The following ARMC2 variants were observed in gnomAD, a reference collection of about 807,000 sequenced individuals.
ARMC2 encodes armadillo repeat-containing protein 2.
In ARMC2, 67 loss-of-function variants were observed where a neutral mutation model predicts 90.3. That is an observed-to-expected ratio of 0.74 (90% confidence interval 0.61 to 0.91). ARMC2 has a LOEUF of 0.91. Among genes scored for constraint, ARMC2 ranks in the 40% least tolerant of loss-of-function variants. ARMC2 has a pLI of 0.00. For synonymous variants in ARMC2, 393 were observed against 393.0 expected (o/e 1.00, Z 0.00); for missense variants, 920 against 1,030.9 (o/e 0.89, Z 1.47).
the ARMC2 span, among the ~76,000 whole-genome samples, chr6:109,044,556 A>C: frequency 2.7e-4 from 41 of 152,156 alleles, no homozygotes; most frequent in East Asian, 6.8e-3. Context: ...AGAAGAAAAC[A>C]TAAGAGAATA....
chr6:109,000,558 T>C, the ARMC2 span: 1 of 1,611,848 alleles, frequency 6.2e-7, no homozygotes, highest in Non-Finnish European at 8.5e-7. Context: ...TCCTAAATTC[T>C]GTAGTTTTTG....
intron 6 of ARMC2, among the ~76,000 whole-genome samples, chr6:108,897,237 C>G (rs1342611662): frequency 6.6e-6 from 1 of 152,140 alleles, no homozygotes; most frequent in East Asian, 1.9e-4. Context: ...GCAGAAGACC[C>G]TACAGGGGTG....
intron 8 of ARMC2, 31 bp from the exon 9 acceptor site, chr6:108,910,868 C>T: frequency 1.8e-6 from 2 of 1,096,606 alleles, no homozygotes; most frequent in African/African-American, 1.6e-5. Flanking sequence ...TTATTTCCTT[C>T]TGCAATAGAG....
intron 3 of ARMC2, among the ~76,000 whole-genome samples, chr6:108,858,804 C>T (rs967358076): frequency 1.3e-5 from 2 of 152,110 alleles, no homozygotes; most frequent in Non-Finnish European, 1.5e-5. Flanking sequence ...TAAGCTCTTT[C>T]GACACATCCT....
intron 8 of ARMC2, among the ~76,000 whole-genome samples, chr6:108,906,225 A>C (rs187149141): frequency 6.6e-6 from 1 of 152,284 alleles, no homozygotes; most frequent in East Asian, 1.9e-4. Flanking sequence ...TTAAAGGAGT[A>C]CAAACAAATA....
chr6:108,923,330 C>T (rs1407420524), intron 10 of ARMC2, among the ~76,000 whole-genome samples: 3 of 152,144 alleles, frequency 2.0e-5, no homozygotes, highest in Non-Finnish European at 4.4e-5. Context: ...TGGATGCACA[C>T]CTCCAAGCAT....
At chr6:108,977,527 G>T (rs1426302957), downstream of ARMC2, among the ~76,000 whole-genome samples, 3 of 152,058 alleles carry the variant, frequency 2.0e-5, no homozygotes, top group Non-Finnish European at 2.9e-5. Flanking sequence ...TGAGTTAGAG[G>T]GGATTCCCTC....
the ARMC2 span, among the ~76,000 whole-genome samples, chr6:108,981,942 C>T: frequency 6.6e-6 from 1 of 152,172 alleles, no homozygotes. Context: ...GCTGGGATTA[C>T]AGGTGTGAGC....
chr6:109,003,621 A>G, the ARMC2 span, among the ~76,000 whole-genome samples: 1 of 152,336 alleles, frequency 6.6e-6, no homozygotes, highest in East Asian at 1.9e-4. Flanking sequence ...TGGTTAGTCC[A>G]TCCTTACACT....
chr6:108,997,429 A>C, the ARMC2 span, among the ~76,000 whole-genome samples: 1 of 152,346 alleles, frequency 6.6e-6, no homozygotes, highest in Middle Eastern at 3.4e-3. Flanking sequence ...GAATCTAGGC[A>C]GCTCAAAGGA....
Position 108,971,734 on chromosome 6 carries a change from C to T in ARMC2, c.2447-1623C>T, listed in dbSNP as rs183932037. Among the ~76,000 whole-genome samples, 4 of 152,044 alleles carry T rather than the reference C, an allele frequency of 2.6e-5. No homozygotes were observed. In the East Asian group the frequency reaches 7.8e-4, roughly 30 times the overall value. The stretch of plus-strand genomic sequence containing the variant: ...GTCAGGAGTTGGAGACCAGCCGGGC[C>T]AACATGGTAAAACTCTGTCTCTACT... On this transcript the variant is annotated intron_variant, in intron 17 of 17. Transcript: ENST00000392644.
Position 108,851,881 on chromosome 6 carries a change from A to T in ARMC2, c.-43-2344A>T, listed in dbSNP as rs544704976. ...TTAGCACAGTGCTTGGTGTTAAAGT[A>T]AATGTTTATCTCACATTAGTGGTTC... On this transcript the variant is annotated intron_variant, in intron 1 of 17. Transcript: ENST00000392644. Among the ~76,000 whole-genome samples, 5 of 152,342 alleles carry T rather than the reference A, an allele frequency of 3.3e-5. No homozygotes were observed. In the East Asian group the frequency reaches 9.6e-4, roughly 29 times the overall value.
intron 3 of ARMC2, among the ~76,000 whole-genome samples, chr6:108,867,397 T>G (rs1319803227): frequency 6.6e-6 from 1 of 151,952 alleles, no homozygotes; most frequent in African/African-American, 2.4e-5. Context: ...CTACTAAGAG[T>G]ATCAGCATCG....
chr6:108,876,637 G>A (rs1328065217), intron 5 of ARMC2, among the ~76,000 whole-genome samples: 5 of 152,158 alleles, frequency 3.3e-5, no homozygotes, highest in Admixed American at 1.3e-4. Context: ...CATCCCTTGA[G>A]TGATGACTGA....
chr6:108,872,892 C>T (rs569119302), intron 4 of ARMC2, among the ~76,000 whole-genome samples: 11 of 152,302 alleles, frequency 7.2e-5, no homozygotes, highest in Non-Finnish European at 1.5e-5. Flanking sequence ...GGAAACACTG[C>T]CTACCCCTCA....
the ARMC2 span, among the ~76,000 whole-genome samples, chr6:109,003,361 A>G: frequency 2.6e-5 from 4 of 151,060 alleles, no homozygotes; most frequent in Non-Finnish European, 5.9e-5. Context: ...TTTAAAGAAA[A>G]AAAGTGGGGA....
At chr6:108,955,545 C>T (rs1306793941) in intron 13 of ARMC2, among the ~76,000 whole-genome samples, 3 of 152,178 alleles carry the variant, frequency 2.0e-5, no homozygotes, top group Middle Eastern at 3.2e-3. Flanking sequence ...TCACCGGGCC[C>T]CTGACCTGTG....
intron 11 of ARMC2, among the ~76,000 whole-genome samples, chr6:108,933,410 T>C (rs1032454329): frequency 1.3e-5 from 2 of 152,146 alleles, no homozygotes; most frequent in Non-Finnish European, 2.9e-5. Flanking sequence ...TTTTTGTACA[T>C]TGATTTTGTA....
chr6:108,914,362 C>G (rs1366599101), intron 10 of ARMC2, among the ~76,000 whole-genome samples: 1 of 152,186 alleles, frequency 6.6e-6, no homozygotes, highest in African/African-American at 2.4e-5. Context: ...CAAACTGATT[C>G]ACCAGGTCGG....
Sources: gnomAD v4.1 joint callset for allele counts (sites outside exome capture counted in the v4.1 genomes callset) on GRCh38, gnomAD v4.1.1 for gene constraint, MANE v1.5 for transcripts, NCBI Gene and HGNC (gene_info 2026-07-23, HGNC 2026-07-21) for gene names.